Variants in EIPR1 observed in about 807,000 individuals in gnomAD.
EIPR1 encodes EARP and GARP complex-interacting protein 1.
A neutral mutation model predicts 48.1 loss-of-function variants in EIPR1; 25 were observed. The observed-to-expected ratio is 0.52, with a 90% CI of 0.38 to 0.73. The LOEUF (loss-of-function observed/expected upper bound fraction) is 0.73. Ranked by LOEUF, EIPR1 falls within the 30% of genes least tolerant of loss-of-function variation. EIPR1 has a pLI of 0.00. For synonymous variants in EIPR1, 204 were observed against 201.9 expected, an observed-to-expected ratio of 1.01 and a Z score of -0.09; for missense variants, 415 against 506.2, an observed-to-expected ratio of 0.82 and a Z score of 1.73.
intron 3 of EIPR1, among the ~76,000 whole-genome samples, chr2:3,270,078 CCAGATGGG>C (rs757759856): frequency 2.0e-5 from 3 of 152,192 alleles, no homozygotes; most frequent in Non-Finnish European, 2.9e-5. Context: ...TCCACATTGT[CCAGATGGG>C]CAGATGGGCA....
intron 2 of EIPR1, among the ~76,000 whole-genome samples, chr2:3,338,468 G>C (rs1572461506): frequency 6.6e-6 from 1 of 152,194 alleles, no homozygotes; most frequent in African/African-American, 2.4e-5. Flanking sequence ...AGCCACTGTT[G>C]GTGTCACGGC....
intron 3 of EIPR1, among the ~76,000 whole-genome samples, chr2:3,275,649 G>C (rs1211489239): frequency 6.6e-6 from 1 of 151,874 alleles, no homozygotes; most frequent in Non-Finnish European, 1.5e-5. Context: ...TTATGGAAAA[G>C]AGACTCCATA....
At chr2:3,334,901 C>T (rs887375633) in intron 3 of EIPR1, among the ~76,000 whole-genome samples, 2 of 152,244 alleles carry the variant, frequency 1.3e-5, no homozygotes, top group African/African-American at 4.8e-5. Flanking sequence ...CTGGAAATCA[C>T]GAGATCCAGG....
chr2:3,308,509 A>G (rs929403810), intron 3 of EIPR1, among the ~76,000 whole-genome samples: 1 of 148,578 alleles, frequency 6.7e-6, no homozygotes, highest in Admixed American at 6.6e-5. Flanking sequence ...AAATAGACGG[A>G]AAAAAAAATG....
Position 3,292,009 on chromosome 2 carries a change from G to A in EIPR1, c.260-34554C>T, listed in dbSNP as rs376886473. Among the ~76,000 whole-genome samples, 51 of 152,370 alleles carry A rather than the reference G, an allele frequency of 3.3e-4. No individual in the cohort carries two copies. The South Asian group carries it at 9.3e-3, about 28-fold the overall frequency. On this transcript the variant is annotated intron_variant, in intron 3 of 8. Transcript: ENST00000382125. ...GGCACCATGCACACGTGCTCGCCAC[G>A]GGGCCACATGGCAGCCTATGTCCAC...
chr2:3,376,252 G>T (rs974383930), intron 1 of EIPR1, among the ~76,000 whole-genome samples: 1 of 152,280 alleles, frequency 6.6e-6, no homozygotes, highest in East Asian at 1.9e-4. Context: ...AGGTGGGGGG[G>T]AGGGAGATGC....
chr2:3,369,830 G>C (rs1214346726), intron 1 of EIPR1, among the ~76,000 whole-genome samples: 1 of 152,194 alleles, frequency 6.6e-6, no homozygotes, highest in African/African-American at 2.4e-5. Flanking sequence ...CAAAAAGACA[G>C]CAGTAACCTC....
chr2:3,265,770 G>A (rs551983086), intron 3 of EIPR1, among the ~76,000 whole-genome samples: 34 of 152,318 alleles, frequency 2.2e-4, no homozygotes, highest in African/African-American at 7.9e-4. Flanking sequence ...AGGGAACTCC[G>A]ATATCATGCT....
At chr2:3,326,520 T>A (rs919950998) in intron 3 of EIPR1, among the ~76,000 whole-genome samples, 1 of 152,080 alleles carries the variant, frequency 6.6e-6, no homozygotes, top group African/African-American at 2.4e-5. Flanking sequence ...TACATCTAGC[T>A]CCCCTTTTTA....
chr2:3,279,378 T>C (rs1243248690), intron 3 of EIPR1, among the ~76,000 whole-genome samples: 5 of 152,196 alleles, frequency 3.3e-5, no homozygotes, highest in Non-Finnish European at 5.9e-5. Flanking sequence ...GAGGTCGGAA[T>C]AGTCTGTCAC....
Position 3,194,041 on chromosome 2 carries a change from T to A in EIPR1, c.779A>T (p.Asn260Ile). ...DCKVKFWDTR[N>I]VTEPVKTLEE... is the part of the protein sequence containing the mutation. ...CAGGGTCTTCACGGGTTCGGTGACATTTCGGGTGTCCCAGAACTTCACCTT... is the reference window on the plus strand; with the variant it reads ...CAGGGTCTTCACGGGTTCGGTGACAATTCGGGTGTCCCAGAACTTCACCTT... Residue 260 changes from asparagine to isoleucine, a missense_variant, in exon 7 of 9, where the codon AAT becomes ATT. Transcript: ENST00000382125. The A allele has an allele frequency of 6.2e-7, 1 of 1,613,838 alleles. No homozygotes were observed. The highest frequency in any genetic ancestry group is 8.5e-7 in the Non-Finnish European group (1 of 1,180,002).
chr2:3,273,002 C>T (rs1667743748), intron 3 of EIPR1, among the ~76,000 whole-genome samples: 1 of 152,214 alleles, frequency 6.6e-6, no homozygotes, highest in Admixed American at 6.5e-5. Context: ...TTAGACTGTG[C>T]TGCTTTTGAG....
At chr2:3,329,065 C>T (rs1299527107) in intron 3 of EIPR1, among the ~76,000 whole-genome samples, 1 of 116,222 alleles carries the variant, frequency 8.6e-6, no homozygotes, top group Non-Finnish European at 1.8e-5. Context: ...CTAATGATCT[C>T]AGGGCACCAG....
intron 6 of EIPR1, among the ~76,000 whole-genome samples, chr2:3,196,046 G>C (rs975127230): frequency 2.0e-5 from 3 of 152,194 alleles, no homozygotes; most frequent in African/African-American, 7.2e-5. Context: ...GATTTCAGCA[G>C]GACGTTCATC....
intron 3 of EIPR1, among the ~76,000 whole-genome samples, chr2:3,285,614 T>C (rs1441644604): frequency 6.6e-6 from 1 of 152,204 alleles, no homozygotes; most frequent in Admixed American, 6.5e-5. Context: ...CCTCAGCTTC[T>C]GATGCTGCGC....
At position 3,312,076 on chromosome 2, in the gene EIPR1, C is replaced by A. The variant is rs922038329; in HGVS notation, c.259+25941G>T. On this transcript the variant is annotated intron_variant, in intron 3 of 8. Coordinates refer to ENST00000382125, the MANE Select transcript of EIPR1 (RefSeq NM_003310.5). The surrounding 1 kb of genome is among the most constrained non-coding windows in gnomAD (Gnocchi z 5.5). The stretch of plus-strand genomic sequence containing the variant: ...GACCCAAGATAACTGTGTGTTGGAG[C>A]CACAACACACAGTTATCCCCTCTGT... 6.6e-6 allele frequency among the ~76,000 whole-genome samples: 1 copy of A among 152,136 alleles called. No homozygotes were observed. Among genetic ancestry groups the A allele is most frequent in the Non-Finnish European group, 1.5e-5 (1 of 68,018 alleles).
chr2:3,254,369 G>T (rs1234781069), intron 4 of EIPR1, among the ~76,000 whole-genome samples: 1 of 152,184 alleles, frequency 6.6e-6, no homozygotes. Flanking sequence ...ACAAAAACCT[G>T]TTCATTAATA....
intron 4 of EIPR1, among the ~76,000 whole-genome samples, chr2:3,217,171 T>C (rs1249340570): frequency 1.3e-5 from 2 of 152,170 alleles, no homozygotes; most frequent in African/African-American, 2.4e-5. Flanking sequence ...CAAAATAGAT[T>C]GGGGAGAAGG....
At chr2:3,271,378 C>A (rs1456753823) in intron 3 of EIPR1, among the ~76,000 whole-genome samples, 1 of 152,128 alleles carries the variant, frequency 6.6e-6, no homozygotes, top group Non-Finnish European at 1.5e-5. Flanking sequence ...ATGCCAAGAC[C>A]CATCAGAGGA....
Sources: allele counts gnomAD v4.1 joint callset (sites outside exome capture counted in the v4.1 genomes callset), GRCh38; gene constraint gnomAD v4.1.1; non-coding constraint Gnocchi (gnomAD v3.1); transcripts MANE v1.5; gene names NCBI Gene and HGNC (gene_info 2026-07-23, HGNC 2026-07-21).